Variants in PDGFD observed in about 807,000 individuals in gnomAD.
The protein encoded by PDGFD is platelet derived growth factor D.
PDGFD carries 30 observed loss-of-function variants against 44.7 expected under a neutral mutation model. That is an observed-to-expected ratio of 0.67 (90% CI 0.50 to 0.91). PDGFD has a LOEUF of 0.91. Among genes scored for constraint, PDGFD ranks in the 40% least tolerant of loss-of-function variants. The pLI is 0.00. For synonymous variants in PDGFD, 173 were observed against 168.4 expected (o/e 1.03, Z -0.21); for missense variants, 445 against 457.8 (o/e 0.97, Z 0.25).
At chr11:104,124,290 G>A (rs752568125) in intron 1 of PDGFD, among the ~76,000 whole-genome samples, 9 of 152,018 alleles carry the variant, frequency 5.9e-5, no homozygotes, top group Non-Finnish European at 1.2e-4. Context: ...AGAGCAATTC[G>A]TGGGCATTTC....
intron 3 of PDGFD, among the ~76,000 whole-genome samples, chr11:103,948,023 C>T (rs1858689445): frequency 6.6e-6 from 1 of 152,224 alleles, no homozygotes; most frequent in Non-Finnish European, 1.5e-5. Flanking sequence ...ACAACCCCTC[C>T]AGTCCTTCCT....
At chr11:103,973,415 G>A (rs1325695182) in intron 3 of PDGFD, among the ~76,000 whole-genome samples, 1 of 151,666 alleles carries the variant, frequency 6.6e-6, no homozygotes, top group Non-Finnish European at 1.5e-5. Context: ...CCAAAGTGCT[G>A]GGAATACAGG....
chr11:104,023,555 C>T (rs757829358), intron 1 of PDGFD, among the ~76,000 whole-genome samples: 13 of 152,074 alleles, frequency 8.5e-5, no homozygotes, highest in Non-Finnish European at 1.5e-4. Context: ...AGCGCACTAT[C>T]GATCCATTCT....
chr11:104,003,213 T>G (rs1859646503), intron 1 of PDGFD, among the ~76,000 whole-genome samples: 1 of 152,226 alleles, frequency 6.6e-6, no homozygotes, highest in African/African-American at 2.4e-5. Context: ...CAAGGGCTAA[T>G]GTGGAGAATG....
intron 6 of PDGFD, among the ~76,000 whole-genome samples, chr11:103,924,241 C>T (rs560078015): frequency 6.6e-6 from 1 of 152,312 alleles, no homozygotes; most frequent in African/African-American, 2.4e-5. Context: ...AAAGTCCTGA[C>T]CTTGAATGTT....
intron 1 of PDGFD, among the ~76,000 whole-genome samples, chr11:104,105,489 A>C (rs1861458670): frequency 6.6e-6 from 1 of 152,188 alleles, no homozygotes; most frequent in African/African-American, 2.4e-5. Context: ...AAGAAAAAGC[A>C]TTTGGTCAGT....
At chr11:104,120,974 A>C (rs1591175555) in intron 1 of PDGFD, among the ~76,000 whole-genome samples, 2 of 151,960 alleles carry the variant, frequency 1.3e-5, no homozygotes, top group African/African-American at 2.4e-5. Flanking sequence ...CCACAATAAA[A>C]CTGCATTGAC....
chr11:104,147,300 A>G (rs1409123688), intron 1 of PDGFD, among the ~76,000 whole-genome samples: 1 of 152,186 alleles, frequency 6.6e-6, no homozygotes, highest in African/African-American at 2.4e-5. Flanking sequence ...TTTTGCAGCA[A>G]TGAAAGTTTT....
chr11:104,074,514 A>T (rs1005786856), intron 1 of PDGFD, among the ~76,000 whole-genome samples: 10 of 152,238 alleles, frequency 6.6e-5, no homozygotes, highest in African/African-American at 2.4e-4. Context: ...ATGAATGAAT[A>T]GGAACCAAAA....
chr11:104,000,673 G>A (rs1859606829), intron 1 of PDGFD, among the ~76,000 whole-genome samples: 1 of 152,088 alleles, frequency 6.6e-6, no homozygotes, highest in African/African-American at 2.4e-5. Flanking sequence ...TTTGTACTTT[G>A]GGAGTTCTCT....
At chr11:104,113,599 T>C (rs1861592208) in intron 1 of PDGFD, among the ~76,000 whole-genome samples, 2 of 152,028 alleles carry the variant, frequency 1.3e-5, no homozygotes, top group Admixed American at 1.3e-4. Context: ...GTTTTTTTTT[T>C]TTTAATGAAC....
chr11:104,125,783 T>G (rs1861833622), intron 1 of PDGFD, among the ~76,000 whole-genome samples: 1 of 152,152 alleles, frequency 6.6e-6, no homozygotes, highest in African/African-American at 2.4e-5. Flanking sequence ...TCCTATAATT[T>G]TATTAGCAAA....
intron 1 of PDGFD, among the ~76,000 whole-genome samples, chr11:104,063,939 G>A (rs1860749967): frequency 1.3e-5 from 2 of 152,114 alleles, no homozygotes; most frequent in South Asian, 4.1e-4. Flanking sequence ...AAAGCCAACG[G>A]AAGAAGGGAG....
In PDGFD at chr11:104,071,549, T is replaced by C. The variant is rs138589708; in HGVS notation, c.125-71294A>G. Among the ~76,000 whole-genome samples the C allele has an allele frequency of 8.5e-3, 1,289 of 151,964 alleles. 24 individuals are homozygous for C. The highest frequency in any genetic ancestry group is 0.029 in the African/African-American group (1,204 of 41,534). ...AACATTCTTCATATGTAAGTAAAAG[T>C]ATCCCTTTGTCTATTATAAATATTG... On this transcript the variant is annotated intron_variant, in intron 1 of 6. Transcript: ENST00000393158.
intron 1 of PDGFD, among the ~76,000 whole-genome samples, chr11:104,117,253 T>C (rs1215119711): frequency 1.3e-5 from 2 of 152,040 alleles, no homozygotes; most frequent in African/African-American, 4.8e-5. Flanking sequence ...ATGCTATTTA[T>C]GACAAACCCA....
At chr11:104,070,238 T>C (rs2134420563) in intron 1 of PDGFD, among the ~76,000 whole-genome samples, 1 of 152,292 alleles carries the variant, frequency 6.6e-6, no homozygotes, top group African/African-American at 2.4e-5. Flanking sequence ...GGGTACTAAG[T>C]GTGTTAATTC....
At chr11:104,089,749 T>C (rs192623547) in intron 1 of PDGFD, among the ~76,000 whole-genome samples, 244 of 152,296 alleles carry the variant, frequency 1.6e-3, no homozygotes, top group Non-Finnish European at 1.7e-3. Flanking sequence ...GATGCAGCCT[T>C]CTTAACATTA....
At position 103,908,530 on chromosome 11, in the gene PDGFD, T is replaced by C. The variant is rs1857974905; in HGVS notation, c.*1164A>G. The stretch of plus-strand genomic sequence containing the variant: ...CGATTAGAAATTTACATTAATAAAA[T>C]GTGATTTTTTTGATACACAAAAGCT... On this transcript the variant is annotated 3_prime_UTR_variant, in exon 7 of 7. Transcript: ENST00000393158. 6.6e-6 allele frequency: 1 copy of C among 152,182 alleles called. No homozygotes were observed. Among genetic ancestry groups the C allele is most frequent in the African/African-American group, 2.4e-5 (1 of 41,438 alleles). 9.4% of individuals were successfully genotyped at this position (152,182 alleles called of 1,614,324 possible).
rs913967126 is a variant in PDGFD at position 104,037,417 on chromosome 11, C to T, written c.125-37162G>A. 5.0e-6 allele frequency: 8 copies of T among 1,613,980 alleles called. No homozygotes were observed. In the Admixed American group the frequency reaches 6.7e-5, roughly 13 times the overall value. On this transcript the variant is annotated intron_variant, in intron 1 of 6. Transcript: ENST00000393158. The stretch of plus-strand genomic sequence containing the variant: ...GGCCTTGAGAGAGCAAGAGAGGCTT[C>T]GTCTCTACACAGCCGACCCACTGGA...
Sources: gnomAD v4.1 joint callset for allele counts (sites outside exome capture counted in the v4.1 genomes callset) on GRCh38, gnomAD v4.1.1 for gene constraint, MANE v1.5 for transcripts, NCBI Gene and HGNC (gene_info 2026-07-23, HGNC 2026-07-21) for gene names.